IGF2BP3: variants seen among roughly 807,000 people sequenced by gnomAD.
IGF2BP3 encodes the protein insulin like growth factor 2 mRNA binding protein 3.
In IGF2BP3, 9 loss-of-function variants were observed where a neutral mutation model predicts 73.8. The observed-to-expected ratio is 0.12, with a 90% confidence interval of 0.07 to 0.21. The LOEUF is 0.21. Ranked by LOEUF, IGF2BP3 falls within the 10% of genes least tolerant of loss-of-function variation. IGF2BP3 has a pLI of 1.00. For missense variants in IGF2BP3, 542 were observed against 714.0 expected (o/e 0.76, Z 2.75); for synonymous variants, 258 against 256.7 (o/e 1.01, Z -0.05).
chr7:23,386,958 T>G (rs889626042), intron 3 of IGF2BP3, among the ~76,000 whole-genome samples: 1 of 150,210 alleles, frequency 6.7e-6, no homozygotes, highest in African/African-American at 2.5e-5. Flanking sequence ...TCCCAGCTAC[T>G]GGGGAGGCTG....
rs1785447002 is a variant in IGF2BP3 at position 23,368,360 on chromosome 7, A to AAAGAAAGG, written c.286-6620_286-6619insCCTTTCTT. ...GAAAGAAAAAAAGAAAGAAAGAAAG[A>AAAGAAAGG]AAGAAAGAAAGAAAGAAAGAAAGAA... On this transcript the variant is annotated intron_variant, in intron 3 of 14. Coordinates refer to ENST00000258729, the MANE Select transcript of IGF2BP3 (RefSeq NM_006547.3). 3.3e-5 allele frequency among the ~76,000 whole-genome samples: 5 copies of AAAGAAAGG among 151,656 alleles called. No homozygotes were observed. In the South Asian group the frequency reaches 1.0e-3, roughly 32 times the overall value.
rs965125895 is a variant in IGF2BP3, at chr7:23,312,253, T to G, written c.*109A>C. 2.5e-6 allele frequency: 2 copies of G among 807,776 alleles called. No homozygotes were observed. Among genetic ancestry groups the G allele is most frequent in the Non-Finnish European group, 4.2e-6 (2 of 474,286 alleles). The allele number at this position is 807,776 out of a possible 1,614,324, so 50.0% of individuals were successfully genotyped here. A position where few individuals can be genotyped will look rare whatever the true frequency, so the allele number is the denominator to read the frequency against. The stretch of plus-strand genomic sequence containing the variant: ...TGGTCCTCAGAAACAACTGGCTAGG[T>G]AAAAACTTGTGCATGTGATTCTGGA... On this transcript the variant is annotated 3_prime_UTR_variant, in exon 15 of 15. Coordinates refer to ENST00000258729, the MANE Select transcript of IGF2BP3 (RefSeq NM_006547.3).
At chr7:23,378,289 A>C (rs953685697) in intron 3 of IGF2BP3, among the ~76,000 whole-genome samples, 1 of 151,598 alleles carries the variant, frequency 6.6e-6, no homozygotes, top group Non-Finnish European at 1.5e-5. Context: ...AGGAGTATAT[A>C]ATTTTAGAAT....
chr7:23,368,462 G>GA (rs1270212779), intron 3 of IGF2BP3, among the ~76,000 whole-genome samples: 1 of 152,220 alleles, frequency 6.6e-6, no homozygotes, highest in Non-Finnish European at 1.5e-5. Flanking sequence ...GAAATGTCCA[G>GA]AATAGGGAAC....
intron 10 of IGF2BP3, among the ~76,000 whole-genome samples, chr7:23,325,388 G>A (rs1242752751): frequency 3.3e-5 from 5 of 152,128 alleles, no homozygotes; most frequent in Admixed American, 2.6e-4. Flanking sequence ...CCTCTTCAAG[G>A]AGAACTACAA....
At chr7:23,379,866 C>T (rs949009774) in intron 3 of IGF2BP3, among the ~76,000 whole-genome samples, 9 of 152,116 alleles carry the variant, frequency 5.9e-5, no homozygotes, top group African/African-American at 2.2e-4. Context: ...AATATACATC[C>T]ATGCACTGGC....
intron 1 of IGF2BP3, 85 bp from the exon 2 acceptor site, chr7:23,468,627 A>G: frequency 7.0e-7 from 1 of 1,422,160 alleles, no homozygotes; most frequent in Non-Finnish European, 9.9e-7. Flanking sequence ...GCGGCGACAC[A>G]AATGGCCTCC....
chr7:23,372,209 G>T (rs1785571865), intron 3 of IGF2BP3, among the ~76,000 whole-genome samples: 1 of 151,982 alleles, frequency 6.6e-6, no homozygotes, highest in African/African-American at 2.4e-5. Flanking sequence ...CAAGTAGCTG[G>T]GACTACAGGC....
rs1313063571 is a variant in IGF2BP3, at chr7:23,366,142, T to TC, written c.286-4402dup. On this transcript the variant is annotated intron_variant, in intron 3 of 14. Coordinates refer to ENST00000258729, the MANE Select transcript of IGF2BP3 (RefSeq NM_006547.3). ...TATTGGTTGTCAACTTCCGTGTAAA[T>TC]CTTTTTTTTTTTTTAGACAGAGTCT... Among the ~76,000 whole-genome samples the TC allele has an allele frequency of 4.6e-5, 7 of 151,378 alleles. No homozygotes were observed. In the East Asian group the frequency reaches 1.4e-3, roughly 29 times the overall value.
At chr7:23,352,362 C>T (rs779089137) in intron 5 of IGF2BP3, among the ~76,000 whole-genome samples, 4 of 139,030 alleles carry the variant, frequency 2.9e-5, no homozygotes, top group African/African-American at 5.3e-5. Flanking sequence ...CATCTTGGCT[C>T]ACTGCAACCT....
chr7:23,367,911 G>T (rs767573493), intron 3 of IGF2BP3, among the ~76,000 whole-genome samples: 4 of 152,032 alleles, frequency 2.6e-5, no homozygotes, highest in African/African-American at 4.8e-5. Context: ...TGAGGCAGAA[G>T]AATCCTTGAA....
At chr7:23,467,334 C>A (rs936400321) in intron 2 of IGF2BP3, among the ~76,000 whole-genome samples, 1 of 152,158 alleles carries the variant, frequency 6.6e-6, no homozygotes, top group Non-Finnish European at 1.5e-5. Flanking sequence ...CATAGCAAAC[C>A]CTCCTGCTCT....
intron 3 of IGF2BP3, among the ~76,000 whole-genome samples, chr7:23,411,566 T>C (rs192968181): frequency 2.0e-5 from 3 of 152,266 alleles, no homozygotes; most frequent in Admixed American, 2.0e-4. Context: ...GGGCAACAAG[T>C]GTGAAATGCT....
At chr7:23,410,264 G>A (rs1180139803) in intron 3 of IGF2BP3, among the ~76,000 whole-genome samples, 1 of 152,076 alleles carries the variant, frequency 6.6e-6, no homozygotes, top group Non-Finnish European at 1.5e-5. Flanking sequence ...GGCTGAGATG[G>A]GAGAATCACC....
intron 10 of IGF2BP3, among the ~76,000 whole-genome samples, chr7:23,336,026 T>C (rs1188395014): frequency 6.6e-6 from 1 of 152,066 alleles, no homozygotes; most frequent in Non-Finnish European, 1.5e-5. Flanking sequence ...GAAGAGAATA[T>C]TGTGGGGGAA....
At chr7:23,312,640 AAAC>A (rs1783864081) in intron 14 of IGF2BP3, 92 bp downstream of exon 14, 1 of 1,003,358 alleles carries the variant, frequency 1.0e-6, no homozygotes, top group African/African-American at 1.6e-5. Context: ...CTTAAGCATC[AAAC>A]AACCTTAACT....
intron 10 of IGF2BP3, among the ~76,000 whole-genome samples, chr7:23,340,865 T>TC (rs372699579): frequency 1.3e-5 from 2 of 149,728 alleles, no homozygotes; most frequent in African/African-American, 2.5e-5. Context: ...TTTTTTTTTT[T>TC]CCCAGACAGA....
chr7:23,453,657 A>G (rs904109606), intron 2 of IGF2BP3, among the ~76,000 whole-genome samples: 3 of 152,248 alleles, frequency 2.0e-5, no homozygotes, highest in Non-Finnish European at 4.4e-5. Context: ...TCTAATAGAT[A>G]CTGCCAAATA....
intron 3 of IGF2BP3, among the ~76,000 whole-genome samples, chr7:23,396,680 A>G (rs1394756946): frequency 6.6e-6 from 1 of 152,170 alleles, no homozygotes; most frequent in Non-Finnish European, 1.5e-5. Context: ...GAAAGGATCC[A>G]GAACAAAATA....
Sources: gnomAD v4.1 joint callset for allele counts (sites outside exome capture counted in the v4.1 genomes callset) on GRCh38, gnomAD v4.1.1 for gene constraint, MANE v1.5 for transcripts, NCBI Gene and HGNC (gene_info 2026-07-23, HGNC 2026-07-21) for gene names.